Variants in PSTPIP2 observed in about 807,000 individuals in gnomAD.
PSTPIP2 encodes proline-serine-threonine phosphatase interacting protein 2.
PSTPIP2 carries 33 observed loss-of-function variants against 63.3 expected under a neutral mutation model. That is an observed-to-expected ratio of 0.52 (90% confidence interval 0.40 to 0.70). PSTPIP2 has a LOEUF of 0.70. Among genes scored for constraint, PSTPIP2 ranks in the 30% least tolerant of loss-of-function variants. The pLI is 0.00. For missense variants in PSTPIP2, 312 were observed against 400.7 expected, an observed-to-expected ratio of 0.78 and a Z score of 1.89; for synonymous variants, 125 against 132.7, an observed-to-expected ratio of 0.94 and a Z score of 0.40.
intron 9 of PSTPIP2, among the ~76,000 whole-genome samples, chr18:45,995,869 G>A (rs1054418837): frequency 3.3e-5 from 5 of 152,226 alleles, no homozygotes; most frequent in Admixed American, 3.3e-4. Context: ...AGGCTAGAGT[G>A]TAGTGGCATG....
At chr18:46,001,676 ACTT>A (rs1463134238) in intron 6 of PSTPIP2, among the ~76,000 whole-genome samples, 1 of 151,934 alleles carries the variant, frequency 6.6e-6, no homozygotes, top group Non-Finnish European at 1.5e-5. Context: ...TAACATCTCA[ACTT>A]CTTCTTTCCC....
At chr18:46,067,732 G>A (rs1033182447) in intron 1 of PSTPIP2, among the ~76,000 whole-genome samples, 1 of 152,152 alleles carries the variant, frequency 6.6e-6, no homozygotes, top group Admixed American at 6.6e-5. Context: ...GGCTATTTCT[G>A]TATCACCTCT....
At chr18:45,992,738 G>A (rs992704863) in intron 10 of PSTPIP2, among the ~76,000 whole-genome samples, 19 of 149,124 alleles carry the variant, frequency 1.3e-4, no homozygotes, top group African/African-American at 4.5e-4. Context: ...TTTTTTTTTA[G>A]ACAGAGTCTC....
chr18:46,041,003 T>C (rs1206150893), intron 1 of PSTPIP2: 2 of 458,030 alleles, frequency 4.4e-6, no homozygotes, highest in Non-Finnish European at 8.8e-6. Context: ...CCTGGTGCTA[T>C]AAAATTTTTA....
Position 46,050,866 on chromosome 18 carries a change from CTTTT to C in PSTPIP2, c.34-10823_34-10820del, listed in dbSNP as rs556150321. ...TCTCTATCTCTGAACTGTGTGCATT[CTTTT>C]TTTTTTTTTTGAGATGGAGTCTCAC... is the stretch of plus-strand genomic sequence containing the variant. On this transcript the variant is annotated intron_variant, in intron 1 of 14. Coordinates refer to ENST00000409746, the MANE Select transcript of PSTPIP2 (RefSeq NM_024430.4). Among the ~76,000 whole-genome samples the C allele has an allele frequency of 7.8e-3, 1,121 of 142,856 alleles. 17 individuals carry two copies. The highest frequency in any genetic ancestry group is 0.027 in the African/African-American group (1,071 of 39,316). 93.7% of individuals were successfully genotyped at this position (142,856 alleles called of 152,430 possible). A position where few individuals can be genotyped will look rare whatever the true frequency, so the allele number is the denominator to read the frequency against.
intron 7 of PSTPIP2, 124 bp from the exon 8 acceptor site, chr18:45,998,963 G>T: frequency 2.1e-6 from 2 of 958,888 alleles, no homozygotes; most frequent in Non-Finnish European, 1.6e-6. Flanking sequence ...CAAGTCCTGT[G>T]TACATTTCCC....
rs1568226103 is a variant in PSTPIP2 at position 46,040,049 on chromosome 18, TG to T, written c.34-3del. 12 of 1,595,506 alleles carry T rather than the reference TG, an allele frequency of 7.5e-6. No homozygotes were observed. Among genetic ancestry groups the T allele is most frequent in the Non-Finnish European group, 1.0e-5 (12 of 1,169,528 alleles). ...GATGGTGCTGAGGATGTCTGCACTCTGGGGGAAAGACAACATGGCATCAGAC... is the reference window on the plus strand; with the variant it reads ...GATGGTGCTGAGGATGTCTGCACTCTGGGGAAAGACAACATGGCATCAGAC... On this transcript the variant is annotated splice_region_variant and splice_polypyrimidine_tract_variant and intron_variant, in intron 1 of 14. Transcript: ENST00000409746.
intron 1 of PSTPIP2, among the ~76,000 whole-genome samples, chr18:46,052,886 C>G (rs557670228): frequency 6.2e-4 from 95 of 152,276 alleles, no homozygotes; most frequent in African/African-American, 2.0e-3. Context: ...TTTTAGAGTG[C>G]TAGGATATCA....
At chr18:46,062,946 G>T (rs994705193) in intron 1 of PSTPIP2, among the ~76,000 whole-genome samples, 1 of 152,148 alleles carries the variant, frequency 6.6e-6, no homozygotes, top group Non-Finnish European at 1.5e-5. Context: ...TCATTTTGCA[G>T]GTCCACACAG....
intron 6 of PSTPIP2, among the ~76,000 whole-genome samples, chr18:46,004,210 T>G (rs773235763): frequency 6.6e-6 from 1 of 152,210 alleles, no homozygotes; most frequent in Non-Finnish European, 1.5e-5. Context: ...ATTTATCAAT[T>G]GTTTTTGAGG....
chr18:46,068,966 T>C (rs957782235), intron 1 of PSTPIP2, among the ~76,000 whole-genome samples: 5 of 152,038 alleles, frequency 3.3e-5, no homozygotes, highest in Admixed American at 2.6e-4. Context: ...CCCCAAGACT[T>C]TCCCTAGTCA....
chr18:46,029,296 A>G (rs1907705506), intron 2 of PSTPIP2: 1 of 1,473,070 alleles, frequency 6.8e-7, no homozygotes, highest in African/African-American at 1.4e-5. Context: ...ATTGCTGGGT[A>G]TTTGCATTTG....
chr18:46,005,983 G>T (rs2051721090), intron 5 of PSTPIP2, among the ~76,000 whole-genome samples: 1 of 152,138 alleles, frequency 6.6e-6, no homozygotes, highest in Admixed American at 6.5e-5. Flanking sequence ...GACCATCAGG[G>T]TGCCCGGGCA....
intron 3 of PSTPIP2, chr18:46,016,184 T>G: frequency 2.1e-6 from 1 of 484,928 alleles, no homozygotes; most frequent in Non-Finnish European, 3.8e-6. Context: ...TTGTGTTTCA[T>G]TTTCTCCAAT....
chr18:46,036,588 T>C (rs924005834), intron 2 of PSTPIP2, among the ~76,000 whole-genome samples: 31 of 152,248 alleles, frequency 2.0e-4, no homozygotes, highest in Admixed American at 5.9e-4. Flanking sequence ...GCAGCCTCCC[T>C]GCCCTTCCAG....
chr18:46,024,381 AC>A (rs967539957), intron 3 of PSTPIP2, among the ~76,000 whole-genome samples: 1 of 151,968 alleles, frequency 6.6e-6, no homozygotes, highest in Non-Finnish European at 1.5e-5. Flanking sequence ...CAAGCGATCC[AC>A]CTGCCTCGGC....
intron 1 of PSTPIP2, among the ~76,000 whole-genome samples, chr18:46,041,953 C>T (rs955110662): frequency 6.6e-6 from 1 of 152,120 alleles, no homozygotes; most frequent in Non-Finnish European, 1.5e-5. Context: ...CAGCCCTGGA[C>T]ACTGGAGAAG....
At chr18:45,985,494 T>C in intron 14 of PSTPIP2, 44 bp from the exon 15 acceptor site, 1 of 1,594,158 alleles carries the variant, frequency 6.3e-7, no homozygotes, top group Non-Finnish European at 8.6e-7. Flanking sequence ...TGAAAGGTGC[T>C]TGTCAATACT....
intron 2 of PSTPIP2, chr18:46,028,754 A>C (rs1907683554): frequency 9.9e-7 from 1 of 1,007,058 alleles, no homozygotes; most frequent in Admixed American, 1.7e-5. Flanking sequence ...AAGCGACTTT[A>C]AGAAGAATTC....
Sources: allele counts gnomAD v4.1 joint callset (sites outside exome capture counted in the v4.1 genomes callset), GRCh38; gene constraint gnomAD v4.1.1; transcripts MANE v1.5; gene names NCBI Gene and HGNC (gene_info 2026-07-23, HGNC 2026-07-21).